The following RRN3 variants were observed in gnomAD, a reference collection of about 807,000 sequenced individuals.
RRN3 encodes RNA polymerase I transcription factor RRN3.
In RRN3, 38 loss-of-function variants were observed where a neutral mutation model predicts 82.3. The observed-to-expected ratio is 0.46, with a 90% CI of 0.36 to 0.61. The LOEUF is 0.61. RRN3 is among the 20% of genes least tolerant of loss of function. The pLI is 0.00. For synonymous variants in RRN3, 284 were observed against 284.3 expected, an observed-to-expected ratio of 1.00 and a Z score of 0.01; for missense variants, 726 against 793.1, an observed-to-expected ratio of 0.92 and a Z score of 1.02.
chr16:15,071,488 C>T (rs1315241214), intron 12 of RRN3, among the ~76,000 whole-genome samples: 2 of 152,178 alleles, frequency 1.3e-5, no homozygotes, highest in Admixed American at 6.5e-5. Context: ...CAACCCGGGG[C>T]CAGGCACAGT....
Position 15,073,013 on chromosome 16 carries a change from C to A in RRN3, c.1065G>T (p.Leu355=). The change falls in exon 12 of 18, where the codon CTG becomes CTT. Residue 355 remains leucine, a synonymous_variant. Coordinates refer to ENST00000198767, the MANE Select transcript of RRN3 (RefSeq NM_018427.5). Reference sequence around the variant, plus strand: ...CATGGCAGGAGGCATGGGTGGGCAACAGGAGTTTGTCAAAGATGTTTATCA... The same window carrying A: ...CATGGCAGGAGGCATGGGTGGGCAAAAGGAGTTTGTCAAAGATGTTTATCA... ...RDLINIFDKL[L]LPTHASCHVQ... 1 of 1,613,362 alleles carries A rather than the reference C, an allele frequency of 6.2e-7. No individual in the cohort carries two copies. Among genetic ancestry groups the A allele is most frequent in the Non-Finnish European group, 8.5e-7 (1 of 1,179,832 alleles).
chr16:15,086,204 G>C lies in RRN3; in HGVS notation c.397C>G (p.Leu133Val), dbSNP rs1200624003. ...QTVVEEYLAF[L>V]GNLVSAQTVF... The stretch of plus-strand genomic sequence containing the variant: ...GTCTGTGCTGATACAAGATTACCAA[G>C]AAAAGCCAAATACTCTTCCACTACT... Residue 133 changes from leucine to valine, a missense_variant, in exon 5 of 18, where the codon CTT becomes GTT. Around this residue, in one of 4 missense-constraint regions of RRN3, gnomAD observed 344 missense variants for 394.5 expected, o/e 0.87. Coordinates refer to ENST00000198767, the MANE Select transcript of RRN3 (RefSeq NM_018427.5). 1.3e-6 allele frequency: 2 copies of C among 1,590,622 alleles called. No individual in the cohort carries two copies. The highest frequency in any genetic ancestry group is 1.7e-6 in the Non-Finnish European group (2 of 1,163,384).
rs776229446 is a variant in RRN3 at position 15,085,640 on chromosome 16, A to C, written c.531T>G (p.Asp177Glu). ...VDVSDSDDED[D>E]NLPANFDTCH... ...GGCTTTAAACCTTTTTATACTTACT[A>C]TCATCTTCATCATCAGAATCTGAAA... Residue 177 changes from aspartate to glutamate, a missense_variant and splice_region_variant, in exon 6 of 18, where the codon GAT becomes GAG. By Grantham distance (45) the Asp-to-Glu change is conservative (BLOSUM62 2). Around this residue, in one of 4 missense-constraint regions of RRN3, gnomAD observed 344 missense variants for 394.5 expected, o/e 0.87. Transcript: ENST00000198767. 1.2e-6 allele frequency: 2 copies of C among 1,612,994 alleles called. No individual in the cohort carries two copies. Among genetic ancestry groups the C allele is most frequent in the Admixed American group, 3.3e-5 (2 of 59,940 alleles).
chr16:15,066,140 T>C (rs2044959848), intron 15 of RRN3, among the ~76,000 whole-genome samples: 1 of 152,202 alleles, frequency 6.6e-6, no homozygotes, highest in Non-Finnish European at 1.5e-5. Context: ...TTGATTTCTG[T>C]CCTGTTAGCC....
chr16:15,061,948 A>C (rs764468608), intron 17 of RRN3, 43 bp from the exon 18 acceptor site: 1 of 1,558,334 alleles, frequency 6.4e-7, no homozygotes, highest in South Asian at 1.1e-5. Flanking sequence ...ACCAGTGCTG[A>C]CTGAAAAGCT....
intron 17 of RRN3, 70 bp from the exon 18 acceptor site, chr16:15,061,975 T>G: frequency 6.9e-7 from 1 of 1,442,690 alleles, no homozygotes; most frequent in South Asian, 1.2e-5. Flanking sequence ...AATTCCTTCC[T>G]CAGGAAGGTG....
intron 15 of RRN3, among the ~76,000 whole-genome samples, chr16:15,065,716 G>A (rs1050545399): frequency 2.0e-5 from 3 of 152,052 alleles, no homozygotes; most frequent in Non-Finnish European, 4.4e-5. Context: ...CTTAGATTAC[G>A]TAACTATAGG....
intron 8 of RRN3, among the ~76,000 whole-genome samples, chr16:15,082,036 C>CAT: frequency 6.6e-6 from 1 of 152,316 alleles, no homozygotes; most frequent in African/African-American, 2.4e-5. Flanking sequence ...CTTAGAATGA[C>CAT]ATATAAAATC....
intron 11 of RRN3, among the ~76,000 whole-genome samples, chr16:15,074,511 C>T (rs1597921178): frequency 6.6e-6 from 1 of 152,190 alleles, no homozygotes; most frequent in East Asian, 1.9e-4. Flanking sequence ...AGTGAAAAGA[C>T]AGAAGACAAA....
In RRN3 at chr16:15,061,665, A is replaced by G; in HGVS notation, c.*79T>C. The stretch of plus-strand genomic sequence containing the variant: ...TCTAGTTCAATGCCATCAATGCCCA[A>G]TGGCACAAGCTGGGTGCTGAGGGCA... On this transcript the variant is annotated 3_prime_UTR_variant, in exon 18 of 18. Coordinates refer to ENST00000198767, the MANE Select transcript of RRN3 (RefSeq NM_018427.5). The G allele has an allele frequency of 1.4e-6, 2 of 1,409,630 alleles. No individual in the cohort carries two copies. The highest frequency in any genetic ancestry group is 2.0e-6 in the Non-Finnish European group (2 of 1,016,710). 87.3% of individuals were successfully genotyped at this position (1,409,630 alleles called of 1,614,324 possible).
At position 15,088,119 on chromosome 16, in the gene RRN3, AAAG is replaced by A. The variant is rs548555904; in HGVS notation, c.253-1668_253-1666del. Among the ~76,000 whole-genome samples, 381 of 151,310 alleles carry A rather than the reference AAAG, an allele frequency of 2.5e-3. 1 individual carries two copies. The highest frequency in any genetic ancestry group is 8.8e-3 in the African/African-American group (357 of 40,692). Reference sequence around the variant, plus strand: ...CAACAAGAGCAAAACTCCGTCTCAAAAAGAAAAAAAAAAAGTAAATCAGTTGCA... The same window carrying A: ...CAACAAGAGCAAAACTCCGTCTCAAAAAAAAAAAAAAGTAAATCAGTTGCA... On this transcript the variant is annotated intron_variant, in intron 3 of 17. Coordinates refer to ENST00000198767, the MANE Select transcript of RRN3 (RefSeq NM_018427.5).
intron 13 of RRN3, among the ~76,000 whole-genome samples, 175 bp from the exon 14 acceptor site, chr16:15,070,429 T>C (rs1275441260): frequency 6.6e-5 from 10 of 151,648 alleles, no homozygotes; most frequent in African/African-American, 2.2e-4. Context: ...GATGGGTGCG[T>C]AGGAAGACAA....
At chr16:15,092,393 T>C in intron 2 of RRN3, 116 bp downstream of exon 2, 1 of 698,890 alleles carries the variant, frequency 1.4e-6, no homozygotes. Context: ...TTATTAAATA[T>C]TTGATTTCAA....
chr16:15,088,986 A>G (rs954644684), intron 3 of RRN3, among the ~76,000 whole-genome samples: 4 of 152,070 alleles, frequency 2.6e-5, no homozygotes, highest in African/African-American at 9.7e-5. Context: ...GATTCTGGGT[A>G]AATGCATCTA....
At chr16:15,062,323 A>G (rs28369433) in intron 17 of RRN3, among the ~76,000 whole-genome samples, 2,847 of 152,262 alleles carry the variant, frequency 0.019, 90 homozygotes, top group African/African-American at 0.064. Context: ...CAGTGTTAGG[A>G]ACTCTTGTAC....
intron 14 of RRN3, 151 bp from the exon 15 acceptor site, chr16:15,068,428 C>G: frequency 1.1e-6 from 1 of 932,040 alleles, no homozygotes; most frequent in Non-Finnish European, 1.6e-6. Flanking sequence ...TGCAGATAGT[C>G]ACACAGTATA....
chr16:15,071,961 CTT>C, intron 12 of RRN3, among the ~76,000 whole-genome samples: 1 of 152,252 alleles, frequency 6.6e-6, no homozygotes, highest in Middle Eastern at 3.4e-3. Context: ...TGCAAAGCAC[CTT>C]CCGGTCTCTG....
At chr16:15,062,558 A>AT (rs1400984820) in intron 17 of RRN3, among the ~76,000 whole-genome samples, 1 of 152,164 alleles carries the variant, frequency 6.6e-6, no homozygotes, top group African/African-American at 2.4e-5. Flanking sequence ...GCTCCACCTC[A>AT]TGTGACCTGG....
Position 15,060,966 on chromosome 16 carries a change from C to G in RRN3, c.*778G>C, listed in dbSNP as rs561167150. The G allele has an allele frequency of 7.2e-5, 11 of 152,382 alleles. No homozygotes were observed. In the East Asian group the frequency reaches 9.6e-4, roughly 13 times the overall value. The allele number at this position is 152,382 out of a possible 1,614,324, so 9.4% of individuals were successfully genotyped here. A position where few individuals can be genotyped will look rare whatever the true frequency, so the allele number is the denominator to read the frequency against. On this transcript the variant is annotated 3_prime_UTR_variant, in exon 18 of 18. Coordinates refer to ENST00000198767, the MANE Select transcript of RRN3 (RefSeq NM_018427.5). ...CAAATCCAATCTCATGTGTTTTACA[C>G]AAGCCCGAACTCACTTTCAGTCTGT...
Sources: allele counts gnomAD v4.1 joint callset (sites outside exome capture counted in the v4.1 genomes callset), GRCh38; gene constraint gnomAD v4.1.1; regional missense constraint gnomAD v4.1.1; transcripts MANE v1.5; gene names NCBI Gene and HGNC (gene_info 2026-07-23, HGNC 2026-07-21).